RAB11FIP4: variants seen among roughly 807,000 people sequenced by gnomAD.
The protein encoded by RAB11FIP4 is rab11 family-interacting protein 4.
A neutral mutation model predicts 74.3 loss-of-function variants in RAB11FIP4; 23 were observed. The observed-to-expected ratio is 0.31, with a 90% CI of 0.22 to 0.44. RAB11FIP4 has a LOEUF of 0.44. RAB11FIP4 is among the 20% of genes least tolerant of loss of function. The probability of loss-of-function intolerance (pLI) is 1.00; values close to 1 mark genes in which losing one functional copy is unlikely to be tolerated. For missense variants in RAB11FIP4, 630 were observed against 863.9 expected, an observed-to-expected ratio of 0.73 and a Z score of 3.39; for synonymous variants, 360 against 359.9, an observed-to-expected ratio of 1.00 and a Z score of 0.00.
chr17:31,528,808 G>T, intron 13 of RAB11FIP4, 30 bp downstream of exon 13: 1 of 1,588,560 alleles, frequency 6.3e-7, no homozygotes. Flanking sequence ...TGTCCAGTGG[G>T]GCAGGGTGGC....
intron 1 of RAB11FIP4, among the ~76,000 whole-genome samples, chr17:31,425,348 G>A (rs977608359): frequency 7.2e-5 from 11 of 152,182 alleles, no homozygotes; most frequent in African/African-American, 2.4e-4. Context: ...GCTTCACAGC[G>A]GCAAGATAAG....
chr17:31,430,352 ATT>A (rs56078412), intron 1 of RAB11FIP4, among the ~76,000 whole-genome samples: 17,100 of 110,972 alleles, frequency 0.15, 1,173 homozygotes, highest in East Asian at 0.29. Flanking sequence ...TGGAGTTTGG[ATT>A]TTTTTTTTTT....
chr17:31,516,441 CAA>C (rs2072547677), intron 3 of RAB11FIP4, among the ~76,000 whole-genome samples: 1 of 152,096 alleles, frequency 6.6e-6, no homozygotes, highest in South Asian at 2.1e-4. Context: ...ACAAACAAAA[CAA>C]AGAATGAAGC....
chr17:31,405,240 C>T (rs766265762), intron 1 of RAB11FIP4, among the ~76,000 whole-genome samples: 10 of 152,130 alleles, frequency 6.6e-5, no homozygotes, highest in Non-Finnish European at 1.3e-4. Context: ...TCACATGGGT[C>T]CTCCATGATT....
In RAB11FIP4 at chr17:31,535,469, G is replaced by A. The variant is rs1396383746; in HGVS notation, c.*3737G>A. 4.6e-5 allele frequency: 7 copies of A among 152,234 alleles called. No individual in the cohort carries two copies. Among genetic ancestry groups the A allele is most frequent in the African/African-American group, 1.2e-4 (5 of 41,450 alleles). 9.4% of individuals were successfully genotyped at this position (152,234 alleles called of 1,614,324 possible). A position where few individuals can be genotyped will look rare whatever the true frequency, so the allele number is the denominator to read the frequency against. On this transcript the variant is annotated 3_prime_UTR_variant, in exon 15 of 15. Transcript: ENST00000621161. The stretch of plus-strand genomic sequence containing the variant: ...CTCCCCAGGTGATGATATGCAGTCC[G>A]AGGTTGAGACTGCCCTGTCCTGCAA...
In RAB11FIP4 at chr17:31,504,191, C is replaced by T. The variant is rs942418825; in HGVS notation, c.337-13460C>T. 7.6e-5 allele frequency among the ~76,000 whole-genome samples: 11 copies of T among 145,060 alleles called. No homozygotes were observed. In the East Asian group the frequency reaches 1.4e-3, roughly 18 times the overall value. On this transcript the variant is annotated intron_variant, in intron 3 of 14. Coordinates refer to ENST00000621161, the MANE Select transcript of RAB11FIP4 (RefSeq NM_032932.6). ...TGTCACCCAGGCTGGAGTGCAGTGG[C>T]GCGACCTCGGCTCACTGCAAGCTCT...
At chr17:31,483,183 A>G (rs911338195) in intron 3 of RAB11FIP4, among the ~76,000 whole-genome samples, 5 of 127,626 alleles carry the variant, frequency 3.9e-5, no homozygotes, top group Non-Finnish European at 6.5e-5. Flanking sequence ...ACAGAGTGAG[A>G]CTGCATCTCA....
chr17:31,445,633 T>C lies in RAB11FIP4; in HGVS notation c.336+11511T>C, dbSNP rs552520070. On this transcript the variant is annotated intron_variant, in intron 3 of 14. Coordinates refer to ENST00000621161, the MANE Select transcript of RAB11FIP4 (RefSeq NM_032932.6). Reference sequence around the variant, plus strand: ...CGGAGTCTTGCTCTGTCACCCAGGCTGGAGTGCAATGGCGTGATCTCCGCT... The same window carrying C: ...CGGAGTCTTGCTCTGTCACCCAGGCCGGAGTGCAATGGCGTGATCTCCGCT... Among the ~76,000 whole-genome samples the C allele has an allele frequency of 1.6e-3, 228 of 139,098 alleles. 1 individual carries two copies. Among genetic ancestry groups the C allele is most frequent in the Middle Eastern group, 8.0e-3 (2 of 250 alleles). 91.3% of individuals were successfully genotyped at this position (139,098 alleles called of 152,430 possible).
Position 31,398,205 on chromosome 17 carries a change from A to AT in RAB11FIP4, c.159+6200dup, listed in dbSNP as rs111288327. ...AGCCATGTGCCACCACGCCCAGCTA[A>AT]TTTTTTGTATTTTTAGTAGAGACAG... On this transcript the variant is annotated intron_variant, in intron 1 of 14. Transcript: ENST00000621161. 3.7e-3 allele frequency among the ~76,000 whole-genome samples: 556 copies of AT among 152,016 alleles called. 5 individuals carry two copies. The highest frequency in any genetic ancestry group is 0.013 in the African/African-American group (526 of 41,434).
At chr17:31,473,657 G>A (rs1458265909) in intron 3 of RAB11FIP4, among the ~76,000 whole-genome samples, 1 of 152,222 alleles carries the variant, frequency 6.6e-6, no homozygotes, top group African/African-American at 2.4e-5. Flanking sequence ...CGGCCAGGCT[G>A]CCAGGACTGC....
intron 3 of RAB11FIP4, 136 bp downstream of exon 3, chr17:31,434,258 A>T (rs908785580): frequency 2.9e-5 from 21 of 727,462 alleles, no homozygotes; most frequent in Non-Finnish European, 4.8e-5. Flanking sequence ...GAGTCAAGAA[A>T]TAGTTTTTGG....
Position 31,392,004 on chromosome 17 carries a change from G to A in RAB11FIP4, c.152G>A (p.Gly51Asp), listed in dbSNP as rs901125568. ...GCGCTCGGACTGCGCTTCGGCCAGG[G>A]CGAGGAGGTAAGCTGGCCCGACCCC... ...VAALGLRFGQ[G>D]EEVEKLVKYL... Residue 51 changes from glycine to aspartate, a missense_variant, in exon 1 of 15, where the codon GGC becomes GAC. Coordinates refer to ENST00000621161, the MANE Select transcript of RAB11FIP4 (RefSeq NM_032932.6). 24 of 1,326,552 alleles carry A rather than the reference G, an allele frequency of 1.8e-5. No homozygotes were observed. The highest frequency in any genetic ancestry group is 2.2e-5 in the Non-Finnish European group (23 of 1,039,038). 82.2% of individuals were successfully genotyped at this position (1,326,552 alleles called of 1,614,324 possible).
At chr17:31,502,222 T>C (rs1210091185) in intron 3 of RAB11FIP4, among the ~76,000 whole-genome samples, 1 of 134,864 alleles carries the variant, frequency 7.4e-6, no homozygotes, top group Non-Finnish European at 1.6e-5. Context: ...ATACCTTGTC[T>C]CAAAAAAAAA....
intron 14 of RAB11FIP4, among the ~76,000 whole-genome samples, chr17:31,531,354 C>A (rs1176934373): frequency 6.6e-6 from 1 of 152,204 alleles, no homozygotes; most frequent in Non-Finnish European, 1.5e-5. Flanking sequence ...ATTACCCACA[C>A]CTGGGCCCCC....
intron 3 of RAB11FIP4, among the ~76,000 whole-genome samples, chr17:31,474,902 A>C (rs2071776463): frequency 6.6e-6 from 1 of 151,790 alleles, no homozygotes; most frequent in African/African-American, 2.4e-5. Flanking sequence ...ACAGAGATTC[A>C]CCTCACCAGG....
At chr17:31,403,014 T>G (rs1455849818) in intron 1 of RAB11FIP4, among the ~76,000 whole-genome samples, 1 of 152,122 alleles carries the variant, frequency 6.6e-6, no homozygotes, top group Non-Finnish European at 1.5e-5. Flanking sequence ...GTGGCACTGT[T>G]GTGATGGTTG....
In RAB11FIP4 at chr17:31,533,601, G is replaced by A. The variant is rs80011782; in HGVS notation, c.*1869G>A. On this transcript the variant is annotated 3_prime_UTR_variant, in exon 15 of 15. Coordinates refer to ENST00000621161, the MANE Select transcript of RAB11FIP4 (RefSeq NM_032932.6). ...GTTAGGTCAGAAGGAGTACTGGTGC[G>A]TGGGGGCCTTACCCCAGGGTTGAGT... 0.12 allele frequency: 19,045 copies of A among 152,362 alleles called. 1,431 individuals carry two copies. The highest frequency in any genetic ancestry group is 0.23 in the Middle Eastern group (68 of 294). The allele number at this position is 152,362 out of a possible 1,614,324, so 9.4% of individuals were successfully genotyped here.
intron 1 of RAB11FIP4, among the ~76,000 whole-genome samples, chr17:31,402,969 T>C (rs1053955552): frequency 6.6e-6 from 1 of 152,080 alleles, no homozygotes; most frequent in Admixed American, 6.5e-5. Flanking sequence ...GACCTCAGTT[T>C]CCTTATCTGT....
At chr17:31,448,392 A>AGTTTTTTTTTTTT in intron 3 of RAB11FIP4, 1 of 79,832 alleles carries the variant, frequency 1.3e-5, no homozygotes, top group Non-Finnish European at 2.2e-5. Context: ...CATCCAGCTA[A>AGTTTTTTTTTTTT]TTTTTTTTTT....
Sources: allele counts gnomAD v4.1 joint callset (sites outside exome capture counted in the v4.1 genomes callset), GRCh38; gene constraint gnomAD v4.1.1; transcripts MANE v1.5; gene names NCBI Gene and HGNC (gene_info 2026-07-23, HGNC 2026-07-21).